The following OGFOD3 variants were observed in gnomAD, a reference collection of about 807,000 sequenced individuals.
The protein encoded by OGFOD3 is 2-oxoglutarate and iron-dependent oxygenase domain-containing protein 3.
In OGFOD3, 35 loss-of-function variants were observed where a neutral mutation model predicts 39.8. The ratio of observed to expected loss-of-function variants is 0.88; its 90% CI spans 0.67 to 1.17. The LOEUF (loss-of-function observed/expected upper bound fraction) is 1.17. Ranked by LOEUF, OGFOD3 falls within the 50% of genes most tolerant of loss-of-function variation. OGFOD3 has a pLI of 0.00. For missense variants in OGFOD3, 438 were observed against 454.5 expected, an observed-to-expected ratio of 0.96 and a Z score of 0.33; for synonymous variants, 200 against 192.0, an observed-to-expected ratio of 1.04 and a Z score of -0.34.
At chr17:82,394,547 G>C (rs758575922) in intron 8 of OGFOD3, 1 of 1,605,870 alleles carries the variant, frequency 6.2e-7, no homozygotes, top group Middle Eastern at 1.7e-4. Flanking sequence ...AAACATCCTG[G>C]GGACACAGGA....
intron 8 of OGFOD3, among the ~76,000 whole-genome samples, chr17:82,396,156 G>A (rs149528385): frequency 5.2e-4 from 78 of 148,732 alleles, no homozygotes; most frequent in African/African-American, 1.7e-3. Flanking sequence ...ACAGATGTAC[G>A]ACATCAAATC....
At position 82,418,431 on chromosome 17, in the gene OGFOD3, C is replaced by T. The variant is rs1315880150; in HGVS notation, c.55G>A (p.Glu19Lys). The T allele has an allele frequency of 1.0e-5, 15 of 1,478,904 alleles. No homozygotes were observed. Among genetic ancestry groups the T allele is most frequent in the Middle Eastern group, 2.2e-4 (1 of 4,456 alleles). 91.6% of individuals were successfully genotyped at this position (1,478,904 alleles called of 1,614,324 possible). A position where few individuals can be genotyped will look rare whatever the true frequency, so the allele number is the denominator to read the frequency against. ...CGCTACCTGCTCCGGTTCCGGCGCT[C>T]GGCCGCTCCGTTGCCCTCGGGCGCC... ...TKAPEGNGAAERRNRSSTKKD... is the reference protein window; with the variant it reads ...TKAPEGNGAAKRRNRSSTKKD... Residue 19 changes from glutamate to lysine, a missense_variant, in exon 1 of 9, where the codon GAG becomes AAG. Coordinates refer to ENST00000313056, the MANE Select transcript of OGFOD3 (RefSeq NM_024648.3).
At chr17:82,397,748 C>T (rs1460437196) in intron 8 of OGFOD3, among the ~76,000 whole-genome samples, 1 of 152,090 alleles carries the variant, frequency 6.6e-6, no homozygotes, top group East Asian at 1.9e-4. Context: ...AAGCCGGCAC[C>T]GCAGAGCCAC....
At chr17:82,393,231 G>C (rs981634616) in intron 8 of OGFOD3, 4 of 152,268 alleles carry the variant, frequency 2.6e-5, no homozygotes, top group African/African-American at 9.6e-5. Flanking sequence ...CACCAAGTGG[G>C]AAGCAAGGGG....
intron 8 of OGFOD3, chr17:82,394,487 C>A (rs561135272): frequency 6.2e-7 from 1 of 1,613,946 alleles, no homozygotes; most frequent in African/African-American, 1.3e-5. Context: ...GCTTCACTGG[C>A]TCTCGGTCCA....
In OGFOD3 at chr17:82,398,250, C is replaced by A. The variant is rs749128771; in HGVS notation, c.769G>T (p.Gly257Trp). ...CCCTCCTCCATGAACATGAACCGCC[C>A]TCCGCCGAAGTCCTCCAGGTAGTTG... ...LSNYLEDFGG[G>W]RFMFMEEGAN... The change falls in exon 8 of 9, where the codon GGG becomes TGG. Residue 257 changes from glycine to tryptophan, a missense_variant. Coordinates refer to ENST00000313056, the MANE Select transcript of OGFOD3 (RefSeq NM_024648.3). 6.2e-6 allele frequency: 10 copies of A among 1,614,086 alleles called. No homozygotes were observed. The East Asian group carries it at 2.0e-4, about 32-fold the overall frequency.
Position 82,415,309 on chromosome 17 carries a change from A to G in OGFOD3, c.304+89T>C. ...GTTGTCTGCTACCCCCAAGCATACCACATCCAACCCAATTCCCACCCCTTC... is the reference window on the plus strand; with the variant it reads ...GTTGTCTGCTACCCCCAAGCATACCGCATCCAACCCAATTCCCACCCCTTC... On this transcript the variant is annotated intron_variant, in intron 2 of 8. Coordinates refer to ENST00000313056, the MANE Select transcript of OGFOD3 (RefSeq NM_024648.3). The surrounding 1 kb of genome is among the most constrained non-coding windows in gnomAD (Gnocchi z 5.3). The G allele has an allele frequency of 2.3e-6, 3 of 1,308,582 alleles. No homozygotes were observed. Among genetic ancestry groups the G allele is most frequent in the South Asian group, 2.6e-5 (2 of 75,904 alleles). 81.1% of individuals were successfully genotyped at this position (1,308,582 alleles called of 1,614,324 possible).
chr17:82,411,253 C>T (rs1310712455), intron 3 of OGFOD3, among the ~76,000 whole-genome samples: 1 of 152,010 alleles, frequency 6.6e-6, no homozygotes, highest in Non-Finnish European at 1.5e-5. Context: ...CACCATGTTG[C>T]CCAGGCTGGT....
chr17:82,398,674 C>T (rs972248523), intron 7 of OGFOD3, among the ~76,000 whole-genome samples: 26 of 151,548 alleles, frequency 1.7e-4, no homozygotes, highest in East Asian at 3.9e-4. Context: ...GCTGGGATTA[C>T]GGGCATGAGC....
In OGFOD3 at chr17:82,406,141, T is replaced by C. The variant is rs975898265; in HGVS notation, c.488+277A>G. 6.6e-6 allele frequency among the ~76,000 whole-genome samples: 1 copy of C among 152,034 alleles called. No individual in the cohort carries two copies. The highest frequency in any genetic ancestry group is 2.4e-5 in the African/African-American group (1 of 41,390). Reference sequence around the variant, plus strand: ...CCATCTCTGCTGCCTCTTGCTCCCATCCCTTCTGTCCCTGGGCCCACAAAA... The same window carrying C: ...CCATCTCTGCTGCCTCTTGCTCCCACCCCTTCTGTCCCTGGGCCCACAAAA... On this transcript the variant is annotated intron_variant, in intron 5 of 8. Coordinates refer to ENST00000313056, the MANE Select transcript of OGFOD3 (RefSeq NM_024648.3). The surrounding 1 kb of genome is among the most constrained non-coding windows in gnomAD (Gnocchi z 5.2).
intron 7 of OGFOD3, 104 bp downstream of exon 7, chr17:82,403,833 T>TTGTCCACGAGCGCGCTCACCC: frequency 1.4e-6 from 2 of 1,431,742 alleles, no homozygotes; most frequent in East Asian, 5.1e-5. Context: ...CACGCTCACC[T>TTGTCCACGAGCGCGCTCACCC]TGTCCACGAG....
At chr17:82,393,171 C>T (rs1341383727) in intron 8 of OGFOD3, 3 of 152,510 alleles carry the variant, frequency 2.0e-5, no homozygotes, top group Non-Finnish European at 2.9e-5. Context: ...CCTACCCCAC[C>T]GTAGAGTCCT....
At chr17:82,409,275 G>A in intron 4 of OGFOD3, 93 bp downstream of exon 4, 1 of 1,345,280 alleles carries the variant, frequency 7.4e-7, no homozygotes, top group Non-Finnish European at 1.1e-6. Context: ...GGGCACGCAG[G>A]GAACCCTGCA....
At chr17:82,413,440 A>T (rs1031338514) in intron 2 of OGFOD3, among the ~76,000 whole-genome samples, 1 of 152,176 alleles carries the variant, frequency 6.6e-6, no homozygotes, top group African/African-American at 2.4e-5. Context: ...GGAGACAGAA[A>T]CTGGTGATGA....
chr17:82,415,022 G>A lies in OGFOD3; in HGVS notation c.304+376C>T, dbSNP rs981843331. ...GGCAGAACGGGAGCGGGGGAGGGGA[G>A]CTGGGGCACAGGACGGCAGAAGGGC... On this transcript the variant is annotated intron_variant, in intron 2 of 8. Coordinates refer to ENST00000313056, the MANE Select transcript of OGFOD3 (RefSeq NM_024648.3). This position sits in a 1 kb window ranked among gnomAD's most constrained non-coding sequence, Gnocchi z 5.3. 6.6e-6 allele frequency among the ~76,000 whole-genome samples: 1 copy of A among 152,210 alleles called. No individual in the cohort carries two copies. The highest frequency in any genetic ancestry group is 1.5e-5 in the Non-Finnish European group (1 of 68,042).
Position 82,392,628 on chromosome 17 carries a change from C to A in OGFOD3, c.824-94G>T. 2.1e-6 allele frequency: 3 copies of A among 1,405,776 alleles called. No individual in the cohort carries two copies. Among genetic ancestry groups the A allele is most frequent in the South Asian group, 2.8e-5 (2 of 71,006 alleles). 87.1% of individuals were successfully genotyped at this position (1,405,776 alleles called of 1,614,324 possible). On this transcript the variant is annotated intron_variant, in intron 8 of 8. Transcript: ENST00000313056. This position sits in a 1 kb window ranked among gnomAD's most constrained non-coding sequence, Gnocchi z 4.2. ...CGGTCACCTGAAAGAGCAACTATAA[C>A]CAATCAACACAACCAACCAGGCAGG... is the stretch of plus-strand genomic sequence containing the variant.
intron 2 of OGFOD3, chr17:82,411,830 A>G (rs537548994): frequency 3.9e-5 from 16 of 406,896 alleles, no homozygotes; most frequent in African/African-American, 2.9e-4. Context: ...TTCCTGAACC[A>G]TCACTGACTG....
intron 1 of OGFOD3, among the ~76,000 whole-genome samples, chr17:82,418,157 A>C (rs2053102974): frequency 1.3e-5 from 2 of 152,176 alleles, no homozygotes; most frequent in Non-Finnish European, 2.9e-5. Flanking sequence ...CTGGGAGCAA[A>C]GCCCCCTTCT....
intron 2 of OGFOD3, among the ~76,000 whole-genome samples, chr17:82,412,877 C>A (rs2052973765): frequency 6.6e-6 from 1 of 152,148 alleles, no homozygotes; most frequent in Non-Finnish European, 1.5e-5. Context: ...AAAAGCCAGC[C>A]CTGAGCCTGG....
Sources: gnomAD v4.1 joint callset for allele counts (sites outside exome capture counted in the v4.1 genomes callset) on GRCh38, gnomAD v4.1.1 for gene constraint, Gnocchi (gnomAD v3.1) non-coding constraint, MANE v1.5 for transcripts, NCBI Gene and HGNC (gene_info 2026-07-23, HGNC 2026-07-21) for gene names.